OSBPL2: variants seen among roughly 807,000 people sequenced by gnomAD.
OSBPL2 encodes oxysterol-binding protein-related protein 2.
A neutral mutation model predicts 58.4 loss-of-function variants in OSBPL2; 18 were observed. The ratio of observed to expected loss-of-function variants is 0.31; its 90% CI spans 0.21 to 0.46. The LOEUF (loss-of-function observed/expected upper bound fraction) is 0.46, where lower values mean the gene tolerates loss of function less well. OSBPL2 is among the 20% of genes least tolerant of loss of function. OSBPL2 has a pLI of 1.00. For synonymous variants in OSBPL2, 221 were observed against 234.1 expected (o/e 0.94, Z 0.51); for missense variants, 461 against 616.5 (o/e 0.75, Z 2.67).
At position 62,284,177 on chromosome 20, in the gene OSBPL2, C is replaced by G. The variant is rs915551078; in HGVS notation, c.996+8C>G. The G allele has an allele frequency of 5.6e-6, 9 of 1,613,908 alleles. No individual in the cohort carries two copies. Among genetic ancestry groups the G allele is most frequent in the African/African-American group, 2.7e-5 (2 of 74,900 alleles). ...CTGAGAAAGGCCAAGCTGGTAAGGG[C>G]TGGGGCGTCCCCGGGCAGAGCTGAG... On this transcript the variant is annotated splice_region_variant and intron_variant, in intron 10 of 13. Transcript: ENST00000313733.
chr20:62,242,165 G>T (rs756828699), intron 1 of OSBPL2, among the ~76,000 whole-genome samples: 1 of 152,134 alleles, frequency 6.6e-6, no homozygotes, highest in Non-Finnish European at 1.5e-5. Context: ...ATGGTGTCCC[G>T]GCCTCTCAGG....
In OSBPL2 at chr20:62,294,295, C is replaced by G. The variant is rs1372853157; in HGVS notation, c.*408C>G. 5.7e-6 allele frequency: 1 copy of G among 176,186 alleles called. No homozygotes were observed. Among genetic ancestry groups the G allele is most frequent in the Non-Finnish European group, 1.2e-5 (1 of 83,414 alleles). The allele number at this position is 176,186 out of a possible 1,614,324, so 10.9% of individuals were successfully genotyped here. On this transcript the variant is annotated 3_prime_UTR_variant, in exon 14 of 14. Coordinates refer to ENST00000313733, the MANE Select transcript of OSBPL2 (RefSeq NM_144498.4). ...AAAGGTTCTGAAAGCCTTTTAAACT[C>G]GAACCAGTGGGGGAAAGATGGATCT...
intron 1 of OSBPL2, among the ~76,000 whole-genome samples, chr20:62,251,794 C>T (rs117640964): frequency 0.038 from 5,737 of 149,736 alleles, 138 homozygotes; most frequent in Non-Finnish European, 0.064. Context: ...TAAATGTCTC[C>T]ATGAAATCCT....
chr20:62,247,449 C>T (rs191216340), intron 1 of OSBPL2, among the ~76,000 whole-genome samples: 199 of 152,314 alleles, frequency 1.3e-3, no homozygotes, highest in Middle Eastern at 3.4e-3. Flanking sequence ...CGAAGCTCAG[C>T]GGGACCGCGG....
chr20:62,249,992 T>G (rs535409995), intron 1 of OSBPL2, among the ~76,000 whole-genome samples: 42 of 152,358 alleles, frequency 2.8e-4, no homozygotes, highest in African/African-American at 9.1e-4. Context: ...CAGCACACCC[T>G]GGTCCTCCTG....
chr20:62,284,327 A>T, intron 10 of OSBPL2, 158 bp downstream of exon 10: 2 of 720,478 alleles, frequency 2.8e-6, no homozygotes, highest in Non-Finnish European at 4.6e-6. Context: ...TGAACCATAT[A>T]TTGTGGGTTC....
At position 62,288,165 on chromosome 20, in the gene OSBPL2, C is replaced by T. The variant is rs902205278; in HGVS notation, c.1126-1042C>T. 2.6e-5 allele frequency among the ~76,000 whole-genome samples: 4 copies of T among 152,112 alleles called. No homozygotes were observed. Among genetic ancestry groups the T allele is most frequent in the African/African-American group, 7.2e-5 (3 of 41,418 alleles). On this transcript the variant is annotated intron_variant, in intron 11 of 13. Transcript: ENST00000313733. This position sits in a 1 kb window ranked among gnomAD's most constrained non-coding sequence, Gnocchi z 4.8. Reference sequence around the variant, plus strand: ...TGGAGGGGGTGCAGGGGTCTCCAGACGACTTCAGTATTTGCTGTGAGTGAC... The same window carrying T: ...TGGAGGGGGTGCAGGGGTCTCCAGATGACTTCAGTATTTGCTGTGAGTGAC...
At position 62,290,743 on chromosome 20, in the gene OSBPL2, G is replaced by GT. The variant is rs1233805508; in HGVS notation, c.1250-948dup. 4.4e-3 allele frequency among the ~76,000 whole-genome samples: 541 copies of GT among 122,146 alleles called. 2 individuals carry two copies. The highest frequency in any genetic ancestry group is 0.015 in the Middle Eastern group (3 of 200). The allele number at this position is 122,146 out of a possible 152,430, so 80.1% of individuals were successfully genotyped here. ...CCAGGTTTTTTTTTTTGTTTTTTTT[G>GT]TTTTTTTTTTTTGAGACAGAGTTTC... is the stretch of plus-strand genomic sequence containing the variant. On this transcript the variant is annotated intron_variant, in intron 12 of 13. Transcript: ENST00000313733.
Position 62,269,070 on chromosome 20 carries a change from A to G in OSBPL2, c.259-3055A>G, listed in dbSNP as rs1261473817. On this transcript the variant is annotated intron_variant, in intron 4 of 13. Coordinates refer to ENST00000313733, the MANE Select transcript of OSBPL2 (RefSeq NM_144498.4). The surrounding 1 kb of genome is among the most constrained non-coding windows in gnomAD (Gnocchi z 4.2). ...TGAGACTCCAACTCAAAAAAAAAAAAAATGTTTTTTTGTAGAGACGGGGTC... is the reference window on the plus strand; with the variant it reads ...TGAGACTCCAACTCAAAAAAAAAAAGAATGTTTTTTTGTAGAGACGGGGTC... Among the ~76,000 whole-genome samples the G allele has an allele frequency of 2.0e-5, 3 of 152,002 alleles. No homozygotes were observed. Among genetic ancestry groups the G allele is most frequent in the African/African-American group, 7.2e-5 (3 of 41,386 alleles).
chr20:62,279,077 G>A (rs1982607661), intron 6 of OSBPL2, 80 bp from the exon 7 acceptor site: 1 of 1,235,364 alleles, frequency 8.1e-7, no homozygotes, highest in Non-Finnish European at 1.1e-6. Flanking sequence ...TCCTGTGAGG[G>A]GCTCCACATG....
chr20:62,250,040 G>A (rs1188635972), intron 1 of OSBPL2, among the ~76,000 whole-genome samples: 2 of 152,228 alleles, frequency 1.3e-5, no homozygotes, highest in African/African-American at 4.8e-5. Flanking sequence ...TCTGAGCTCA[G>A]CTCCAGGGTT....
chr20:62,256,330 T>C lies in OSBPL2; in HGVS notation c.37+109T>C, dbSNP rs1465677780. On this transcript the variant is annotated intron_variant, in intron 2 of 13. Coordinates refer to ENST00000313733, the MANE Select transcript of OSBPL2 (RefSeq NM_144498.4). The stretch of plus-strand genomic sequence containing the variant: ...TAAAGATGCTCAGTAAAGCAGTGTG[T>C]GGGTGAGCGTTCACGATCCCAAACA... The C allele has an allele frequency of 1.1e-5, 10 of 928,984 alleles. No individual in the cohort carries two copies. In the African/African-American group the frequency reaches 1.5e-4, roughly 14 times the overall value. The allele number at this position is 928,984 out of a possible 1,614,324, so 57.5% of individuals were successfully genotyped here.
At chr20:62,267,383 GT>G (rs1601174023) in intron 4 of OSBPL2, among the ~76,000 whole-genome samples, 1 of 152,134 alleles carries the variant, frequency 6.6e-6, no homozygotes, top group Admixed American at 6.5e-5. Flanking sequence ...TCCACAAATT[GT>G]TCCATCTTTG....
chr20:62,247,698 G>A (rs1288820634), intron 1 of OSBPL2, among the ~76,000 whole-genome samples: 7 of 147,442 alleles, frequency 4.7e-5, no homozygotes, highest in South Asian at 4.3e-4. Context: ...CTGGAGTCTC[G>A]CTCTGTCGCC....
chr20:62,263,699 C>A lies in OSBPL2; in HGVS notation c.258+8C>A. 1 of 1,612,592 alleles carries A rather than the reference C, an allele frequency of 6.2e-7. No homozygotes were observed. Among genetic ancestry groups the A allele is most frequent in the Non-Finnish European group, 8.5e-7 (1 of 1,178,700 alleles). ...AAGAAGTGTGTTGGCCTGGTGAGTCCGGGGGCCCGTGTTCACACATGGGGC... is the reference window on the plus strand; with the variant it reads ...AAGAAGTGTGTTGGCCTGGTGAGTCAGGGGGCCCGTGTTCACACATGGGGC... On this transcript the variant is annotated splice_region_variant and intron_variant, in intron 4 of 13. Coordinates refer to ENST00000313733, the MANE Select transcript of OSBPL2 (RefSeq NM_144498.4).
rs11306058 is a variant in OSBPL2 at position 62,284,374 on chromosome 20, A to AT, written c.996+219dup. 0.031 allele frequency: 14,089 copies of AT among 454,586 alleles called. 14 individuals carry two copies. The highest frequency in any genetic ancestry group is 0.039 in the Non-Finnish European group (9,839 of 253,942). 28.2% of individuals were successfully genotyped at this position (454,586 alleles called of 1,614,324 possible). A position where few individuals can be genotyped will look rare whatever the true frequency, so the allele number is the denominator to read the frequency against. On this transcript the variant is annotated intron_variant, in intron 10 of 13. Coordinates refer to ENST00000313733, the MANE Select transcript of OSBPL2 (RefSeq NM_144498.4). ...AGGGGGTTTATCTGTATTTCTTTCC[A>AT]TTTTTTTTTTTTTTCCCCTCCAGGC...
In OSBPL2 at chr20:62,293,997, T is replaced by A. The variant is rs756858970; in HGVS notation, c.*110T>A. On this transcript the variant is annotated 3_prime_UTR_variant, in exon 14 of 14. Transcript: ENST00000313733. ...GAAACCAACTTTTCTAACGACTGAG[T>A]TCGCGGAGATAGCATCATCCCTGAT... 8.6e-6 allele frequency: 12 copies of A among 1,389,230 alleles called. No individual in the cohort carries two copies. In the Admixed American group the frequency reaches 1.6e-4, roughly 19 times the overall value. 86.1% of individuals were successfully genotyped at this position (1,389,230 alleles called of 1,614,324 possible).
intron 6 of OSBPL2, among the ~76,000 whole-genome samples, chr20:62,275,679 C>G (rs1229002674): frequency 6.6e-6 from 1 of 152,078 alleles, no homozygotes; most frequent in Non-Finnish European, 1.5e-5. Flanking sequence ...AACTCCTGAG[C>G]TCAAGTGATC....
At chr20:62,287,404 A>G (rs1434549006) in intron 11 of OSBPL2, among the ~76,000 whole-genome samples, 1 of 152,240 alleles carries the variant, frequency 6.6e-6, no homozygotes, top group Non-Finnish European at 1.5e-5. Flanking sequence ...TAAGCACGTT[A>G]TCTCAACAGT....
Sources: gnomAD v4.1 joint callset for allele counts (sites outside exome capture counted in the v4.1 genomes callset) on GRCh38, gnomAD v4.1.1 for gene constraint, Gnocchi (gnomAD v3.1) non-coding constraint, MANE v1.5 for transcripts, NCBI Gene and HGNC (gene_info 2026-07-23, HGNC 2026-07-21) for gene names.